KIF1A: variants seen among roughly 807,000 people sequenced by gnomAD.
KIF1A encodes kinesin family member 1A.
A neutral mutation model predicts 227.3 loss-of-function variants in KIF1A; 46 were observed. The ratio of observed to expected loss-of-function variants is 0.20; its 90% CI spans 0.16 to 0.26. The LOEUF (loss-of-function observed/expected upper bound fraction) is 0.26. Among genes scored for constraint, KIF1A ranks in the 10% least tolerant of loss-of-function variants. The pLI, the probability that KIF1A is intolerant of heterozygous loss-of-function variation, is 1.00. For missense variants in KIF1A, 1,683 were observed against 2,485.9 expected (o/e 0.68, Z 6.87); for synonymous variants, 1,022 against 1,012.8 (o/e 1.01, Z -0.17).
At chr2:240,737,547 A>G (rs2125723173) in intron 37 of KIF1A, 1 of 131,060 alleles carries the variant, frequency 7.6e-6, no homozygotes, top group East Asian at 2.7e-4. Context: ...GATAATAACA[A>G]GGAAAGGGAG....
At chr2:240,764,585 C>T (rs2050917654) in intron 20 of KIF1A, among the ~76,000 whole-genome samples, 1 of 152,132 alleles carries the variant, frequency 6.6e-6, no homozygotes, top group Admixed American at 6.5e-5. Flanking sequence ...GTCACCTGCC[C>T]CTCCTCACCC....
Position 240,745,837 on chromosome 2 carries a change from A to G in KIF1A, c.3275T>C (p.Leu1092Pro), listed in dbSNP as rs772395475. 1 of 1,612,826 alleles carries G rather than the reference A, an allele frequency of 6.2e-7. No individual in the cohort carries two copies. The highest frequency in any genetic ancestry group is 1.7e-5 in the Admixed American group (1 of 59,888). ...AALDGPLDAALDHLRLGNTFT... is the reference protein window; with the variant it reads ...AALDGPLDAAPDHLRLGNTFT... ...GGTGTTGCCCAGGCGGAGGTGGTCC[A>G]GGGCAGCATCCAGGGGCCCATCCAG... The change falls in exon 31 of 49, where the codon CTG becomes CCG. Residue 1092 changes from leucine (L) to proline (P), a missense_variant. Physicochemically the swap from Leu to Pro is moderately conservative, Grantham distance 98. Coordinates refer to ENST00000498729, the MANE Select transcript of KIF1A (RefSeq NM_001244008.2).
chr2:240,815,639 T>C (rs917167820), intron 1 of KIF1A, among the ~76,000 whole-genome samples: 1 of 152,132 alleles, frequency 6.6e-6, no homozygotes, highest in African/African-American at 2.4e-5. Context: ...GGAAGAGCAC[T>C]GACTGAGTCT....
At chr2:240,813,019 T>TGCCTTCACCTCAAGGATCC (rs2058057591) in intron 1 of KIF1A, among the ~76,000 whole-genome samples, 15 of 31,654 alleles carry the variant, frequency 4.7e-4, no homozygotes, top group East Asian at 2.5e-3. Context: ...CTCGGGGATC[T>TGCCTTCACCTCAAGGATCC]GCCTTCACCT....
At chr2:240,747,949 G>A (rs921998325) in intron 28 of KIF1A, among the ~76,000 whole-genome samples, 3 of 152,252 alleles carry the variant, frequency 2.0e-5, no homozygotes, top group Admixed American at 6.5e-5. Context: ...GACCTCGCCC[G>A]GGTCACGGGC....
At chr2:240,784,818 G>GC (rs1488119604) in intron 7 of KIF1A, among the ~76,000 whole-genome samples, 171 bp downstream of exon 7, 114 of 68,570 alleles carry the variant, frequency 1.7e-3, no homozygotes, top group African/African-American at 0.011. Flanking sequence ...CTCTGGGGCG[G>GC]GGGGGGGGAC....
At chr2:240,819,102 C>T (rs2058533506) in intron 1 of KIF1A, 1 of 152,212 alleles carries the variant, frequency 6.6e-6, no homozygotes. Flanking sequence ...CCAACCCCAC[C>T]TACCGGCGCC....
chr2:240,744,238 C>A (rs1385344311), intron 32 of KIF1A, among the ~76,000 whole-genome samples, 178 bp from the exon 33 acceptor site: 1 of 152,196 alleles, frequency 6.6e-6, no homozygotes, highest in Non-Finnish European at 1.5e-5. Context: ...CCTCCTCCCA[C>A]CACGTGCCCC....
intron 23 of KIF1A, among the ~76,000 whole-genome samples, chr2:240,762,083 C>A (rs1428505373): frequency 6.6e-6 from 1 of 152,234 alleles, no homozygotes; most frequent in Admixed American, 6.5e-5. Flanking sequence ...CACGCCTGAG[C>A]TTTGCTGTGG....
At chr2:240,719,330 C>T (rs1322544588) in intron 46 of KIF1A, 132 bp from the exon 47 acceptor site, 1 of 999,148 alleles carries the variant, frequency 1.0e-6, no homozygotes, top group East Asian at 2.7e-5. Flanking sequence ...TGGGTCGAGG[C>T]ATCGAAGGGC....
chr2:240,782,078 G>A (rs1297169408), intron 10 of KIF1A: 6 of 985,198 alleles, frequency 6.1e-6, no homozygotes, highest in East Asian at 1.1e-4. Context: ...ACGCTTTCAC[G>A]GCTGCCCACG....
At chr2:240,769,594 C>A (rs1202934260) in intron 16 of KIF1A, 33 bp downstream of exon 16, 2 of 1,587,700 alleles carry the variant, frequency 1.3e-6, no homozygotes, top group Non-Finnish European at 8.6e-7. Context: ...GGCTGCACCC[C>A]TCCCCCTGGG....
Position 240,785,040 on chromosome 2 carries a change from G to T in KIF1A, c.669C>A (p.Ile223=). ...CGTCATGGCGCTTCTGGGTGAAGATGATGTTGAAGACGGCGTGGGAGCGAC... is the reference window on the plus strand; with the variant it reads ...CGTCATGGCGCTTCTGGGTGAAGATTATGTTGAAGACGGCGTGGGAGCGAC... ...TSSRSHAVFN[I]IFTQKRHDAE... is the part of the protein sequence containing the mutation. Residue 223 remains isoleucine, a synonymous_variant, in exon 7 of 49, where the codon ATC becomes ATA. Coordinates refer to ENST00000498729, the MANE Select transcript of KIF1A (RefSeq NM_001244008.2). 2 of 1,613,618 alleles carry T rather than the reference G, an allele frequency of 1.2e-6. No homozygotes were observed. The highest frequency in any genetic ancestry group is 2.2e-5 in the South Asian group (2 of 91,086).
intron 37 of KIF1A, 116 bp from the exon 38 acceptor site, chr2:240,737,284 G>T: frequency 1.3e-6 from 1 of 795,034 alleles, no homozygotes; most frequent in Non-Finnish European, 2.2e-6. Context: ...TCACTAGAGC[G>T]TCTGTCAAAG....
chr2:240,799,478 G>C (rs1397034480), intron 1 of KIF1A, among the ~76,000 whole-genome samples: 1 of 152,158 alleles, frequency 6.6e-6, no homozygotes, highest in Non-Finnish European at 1.5e-5. Flanking sequence ...GGCTGGACTC[G>C]TGCCGCCTAC....
At chr2:240,750,408 C>T (rs781083190) in intron 28 of KIF1A, 21 bp downstream of exon 28, 95 of 1,574,632 alleles carry the variant, frequency 6.0e-5, no homozygotes, top group Non-Finnish European at 7.9e-5. Context: ...ATGCCACACA[C>T]GGCCTTTGGC....
At chr2:240,805,769 A>C (rs1020374958) in intron 1 of KIF1A, among the ~76,000 whole-genome samples, 2 of 152,238 alleles carry the variant, frequency 1.3e-5, no homozygotes, top group African/African-American at 4.8e-5. Context: ...GACCTGTATA[A>C]AATGAATCAT....
At chr2:240,782,111 C>T (rs1269312703) in intron 10 of KIF1A, 4 of 985,264 alleles carry the variant, frequency 4.1e-6, no homozygotes, top group East Asian at 1.1e-4. Flanking sequence ...CAGTCCCCAG[C>T]GTCGCCCCAG....
rs775849159 is a variant in KIF1A at position 240,719,754 on chromosome 2, T to C, written c.5021+20A>G. ...CAGCACAGAGCTGGTGGCGGTGCTT[T>C]CCAGGGAGGCCCCACACACCTGACT... is the stretch of plus-strand genomic sequence containing the variant. On this transcript the variant is annotated intron_variant, in intron 46 of 48. Transcript: ENST00000498729. 2.0e-6 allele frequency: 3 copies of C among 1,536,298 alleles called. No individual in the cohort carries two copies. In the South Asian group the frequency reaches 3.8e-5, roughly 19 times the overall value.
Sources: allele counts gnomAD v4.1 joint callset (sites outside exome capture counted in the v4.1 genomes callset), GRCh38; gene constraint gnomAD v4.1.1; transcripts MANE v1.5; gene names NCBI Gene and HGNC (gene_info 2026-07-23, HGNC 2026-07-21).